MGAT5: variants seen among roughly 807,000 people sequenced by gnomAD.
MGAT5 encodes the protein alpha-1,6-mannosylglycoprotein 6-beta-N-acetylglucosaminyltransferase, also known as alpha-1,6-mannosylglycoprotein 6-beta-N-acetylglucosaminyltransferase A.
A neutral mutation model predicts 94.3 loss-of-function variants in MGAT5; 30 were observed. The observed-to-expected ratio is 0.32, with a 90% confidence interval of 0.24 to 0.43. MGAT5 has a LOEUF of 0.43. MGAT5 is among the 20% of genes least tolerant of loss of function. MGAT5 has a pLI of 1.00. For missense variants in MGAT5, 691 were observed against 905.5 expected (o/e 0.76, Z 3.04); for synonymous variants, 310 against 322.9 (o/e 0.96, Z 0.43).
chr2:134,130,443 A>G (rs114707522), intron 1 of MGAT5, among the ~76,000 whole-genome samples: 1 of 152,340 alleles, frequency 6.6e-6, no homozygotes, highest in African/African-American at 2.4e-5. Flanking sequence ...GCCCTGGCAC[A>G]GATCCACTAG....
At chr2:134,120,463 G>C (rs1213361308) in intron 1 of MGAT5, among the ~76,000 whole-genome samples, 1 of 151,902 alleles carries the variant, frequency 6.6e-6, no homozygotes, top group African/African-American at 2.4e-5. Flanking sequence ...TGCCGCCTGC[G>C]TGGGTGCCCC....
At chr2:134,192,947 G>A (rs1458458815) in intron 1 of MGAT5, among the ~76,000 whole-genome samples, 1 of 151,834 alleles carries the variant, frequency 6.6e-6, no homozygotes, top group African/African-American at 2.4e-5. Flanking sequence ...ACCATCTGTA[G>A]GGAGTGGAAT....
At chr2:134,444,926 C>T (rs1241403022) in intron 15 of MGAT5, among the ~76,000 whole-genome samples, 1 of 152,176 alleles carries the variant, frequency 6.6e-6, no homozygotes, top group Non-Finnish European at 1.5e-5. Context: ...AGTCTCCTCC[C>T]AGACTGGGGT....
chr2:134,193,284 A>G (rs1483833283), intron 1 of MGAT5, among the ~76,000 whole-genome samples: 1 of 151,922 alleles, frequency 6.6e-6, no homozygotes, highest in Non-Finnish European at 1.5e-5. Context: ...CAACATGCCT[A>G]GCTACTTTAT....
rs1213053244 is a variant in MGAT5, at chr2:134,270,453, G to A, written c.309G>A (p.Lys103=). Residue 103 remains lysine (K), a synonymous_variant, in exon 2 of 16, where the codon AAG becomes AAA. Transcript: ENST00000281923. Reference sequence around the variant, plus strand: ...AGCGCATTGGCAAGTTGGAGTCGAAGGTGGACAATCTTGTTGTCAATGGCA... The same window carrying A: ...AGCGCATTGGCAAGTTGGAGTCGAAAGTGGACAATCTTGTTGTCAATGGCA... The part of the protein sequence containing the change: ...ILQRIGKLES[K]VDNLVVNGTG... 2 of 1,614,094 alleles carry A rather than the reference G, an allele frequency of 1.2e-6. No individual in the cohort carries two copies. Among genetic ancestry groups the A allele is most frequent in the East Asian group, 2.2e-5 (1 of 44,886 alleles).
intron 1 of MGAT5, among the ~76,000 whole-genome samples, chr2:134,183,762 T>C (rs931300726): frequency 1.3e-5 from 2 of 152,270 alleles, no homozygotes; most frequent in Non-Finnish European, 2.9e-5. Context: ...ATTTGTATTC[T>C]CCTTCTTGGA....
chr2:134,285,552 A>G (rs1339175355), intron 2 of MGAT5, among the ~76,000 whole-genome samples: 1 of 152,186 alleles, frequency 6.6e-6, no homozygotes, highest in Admixed American at 6.5e-5. Context: ...TAGTACATGT[A>G]TATAATTTTA....
intron 13 of MGAT5, among the ~76,000 whole-genome samples, chr2:134,426,599 T>G (rs16830610): frequency 0.018 from 2,666 of 152,256 alleles, 74 homozygotes; most frequent in African/African-American, 0.061. Context: ...AACCCAGATA[T>G]GCCATGTTCT....
chr2:134,129,725 C>CT (rs1007369079), intron 1 of MGAT5, among the ~76,000 whole-genome samples: 2 of 150,290 alleles, frequency 1.3e-5, no homozygotes, highest in Non-Finnish European at 1.5e-5. Flanking sequence ...GAGCTGAGTA[C>CT]TTTTTTTACT....
intron 1 of MGAT5, among the ~76,000 whole-genome samples, chr2:134,246,536 T>G (rs971651537): frequency 6.6e-6 from 1 of 152,258 alleles, no homozygotes; most frequent in African/African-American, 2.4e-5. Context: ...GTTCCATCTG[T>G]CTTTCTTACA....
rs115993343 is a variant in MGAT5 at position 134,120,623 on chromosome 2, G to A, written c.-143+332G>A. ...TTGGCATTCCTAGGGACAGTCCAAA[G>A]GAAGCTCTGGTTGCGCGGGCTGGAG... is the stretch of plus-strand genomic sequence containing the variant. On this transcript the variant is annotated intron_variant, in intron 1 of 16. Transcript: ENST00000409645. 9.7e-3 allele frequency among the ~76,000 whole-genome samples: 1,480 copies of A among 152,072 alleles called. 28 individuals carry two copies. The highest frequency in any genetic ancestry group is 0.032 in the African/African-American group (1,323 of 41,512).
chr2:134,164,839 C>CAAAAA (rs78180455), intron 1 of MGAT5, among the ~76,000 whole-genome samples: 1 of 131,840 alleles, frequency 7.6e-6, no homozygotes, highest in Admixed American at 7.7e-5. Context: ...ACACCCGTCT[C>CAAAAA]AAAAAAAAAA....
chr2:134,326,940 G>A (rs1339228666), intron 4 of MGAT5, among the ~76,000 whole-genome samples: 1 of 152,092 alleles, frequency 6.6e-6, no homozygotes, highest in African/African-American at 2.4e-5. Context: ...TCGCCCTGGA[G>A]TGACCATTAA....
intron 1 of MGAT5, among the ~76,000 whole-genome samples, chr2:134,130,180 G>T (rs1001706403): frequency 1.5e-5 from 2 of 134,052 alleles, no homozygotes; most frequent in African/African-American, 2.8e-5. Context: ...CTGGGGATCT[G>T]CAGCCCGCCA....
Position 134,320,497 on chromosome 2 carries a change from G to T in MGAT5, c.573+1758G>T, listed in dbSNP as rs187579603. 5.0e-3 allele frequency among the ~76,000 whole-genome samples: 763 copies of T among 152,116 alleles called. 8 individuals are homozygous for T. Among genetic ancestry groups the T allele is most frequent in the African/African-American group, 0.017 (726 of 41,492 alleles). On this transcript the variant is annotated intron_variant, in intron 4 of 15. Transcript: ENST00000281923. ...CCGGCTGGCTTCCCCTTTATGGACT[G>T]GGGGAGGAAGGGGTTGGAGCAGAGT...
chr2:134,161,445 T>C (rs1687728319), intron 1 of MGAT5, among the ~76,000 whole-genome samples: 1 of 152,222 alleles, frequency 6.6e-6, no homozygotes, highest in African/African-American at 2.4e-5. Flanking sequence ...TTCTGAATGC[T>C]GGCCTCTTGC....
intron 2 of MGAT5, among the ~76,000 whole-genome samples, chr2:134,300,520 C>G (rs904027944): frequency 1.3e-5 from 2 of 152,180 alleles, no homozygotes; most frequent in Non-Finnish European, 2.9e-5. Flanking sequence ...TTAACTAGTT[C>G]ACTGCAAATA....
At chr2:134,242,208 G>A (rs912295543) in intron 1 of MGAT5, among the ~76,000 whole-genome samples, 1 of 152,184 alleles carries the variant, frequency 6.6e-6, no homozygotes, top group African/African-American at 2.4e-5. Context: ...TGCATAAGGC[G>A]CTTTGCTGTG....
At chr2:134,359,080 C>T (rs1679925701) in intron 9 of MGAT5, among the ~76,000 whole-genome samples, 1 of 152,164 alleles carries the variant, frequency 6.6e-6, no homozygotes, top group Non-Finnish European at 1.5e-5. Context: ...GTCTTAAAAT[C>T]ATTGCTAATG....
Sources: allele counts gnomAD v4.1 joint callset (sites outside exome capture counted in the v4.1 genomes callset), GRCh38; gene constraint gnomAD v4.1.1; transcripts MANE v1.5; gene names NCBI Gene and HGNC (gene_info 2026-07-23, HGNC 2026-07-21).